Variants in SCAF8 observed in about 807,000 individuals in gnomAD.
SCAF8 encodes the protein SR-related and CTD-associated factor 8.
Under a neutral mutation model 140.5 loss-of-function variants are expected in SCAF8, and 23 were observed. The observed-to-expected ratio is 0.16, with a 90% confidence interval of 0.12 to 0.23. SCAF8 has a LOEUF of 0.23. SCAF8 is among the 10% of genes least tolerant of loss of function. The probability of loss-of-function intolerance (pLI) is 1.00; values close to 1 mark genes in which losing one functional copy is unlikely to be tolerated. For missense variants in SCAF8, 1,397 were observed against 1,555.7 expected (o/e 0.90, Z 1.72); for synonymous variants, 575 against 528.9 (o/e 1.09, Z -1.20).
At position 154,813,205 on chromosome 6, in the gene SCAF8, TCAAAA is replaced by T. The variant is rs982258202; in HGVS notation, c.1421-2495_1421-2491del. Reference sequence around the variant, plus strand: ...CTGAGGAACAGAGCAAGACCCTATATCAAAACAAAACAAAACAAAAAACAGAAGAA... The same window carrying T: ...CTGAGGAACAGAGCAAGACCCTATATCAAAACAAAACAAAAAACAGAAGAA... On this transcript the variant is annotated intron_variant, in intron 12 of 19. Coordinates refer to ENST00000367178, the MANE Select transcript of SCAF8 (RefSeq NM_014892.5). Among the ~76,000 whole-genome samples the T allele has an allele frequency of 2.0e-3, 298 of 151,840 alleles. 1 individual carries two copies. The highest frequency in any genetic ancestry group is 6.7e-3 in the African/African-American group (279 of 41,430).
chr6:154,806,284 A>T (rs1049806024), intron 9 of SCAF8, among the ~76,000 whole-genome samples: 4 of 152,218 alleles, frequency 2.6e-5, no homozygotes, highest in Admixed American at 2.0e-4. Context: ...AATTTATTTC[A>T]AAGCCTTTTT....
chr6:154,738,782 G>A (rs1281287056), intron 1 of SCAF8, among the ~76,000 whole-genome samples: 1 of 152,218 alleles, frequency 6.6e-6, no homozygotes, highest in Non-Finnish European at 1.5e-5. Flanking sequence ...GGACTGCATT[G>A]ATTGCTGGAA....
intron 1 of SCAF8, among the ~76,000 whole-genome samples, chr6:154,771,871 C>G (rs1381353938): frequency 6.6e-6 from 1 of 151,944 alleles, no homozygotes; most frequent in African/African-American, 2.4e-5. Flanking sequence ...CCCCCGAATT[C>G]TAAAATAGAA....
chr6:154,734,824 C>T (rs898648398), intron 1 of SCAF8, among the ~76,000 whole-genome samples: 1 of 152,098 alleles, frequency 6.6e-6, no homozygotes, highest in Admixed American at 6.6e-5. Flanking sequence ...TACCCGTACG[C>T]CTTGGAAAGT....
At chr6:154,806,318 C>T (rs1227035292) in intron 9 of SCAF8, among the ~76,000 whole-genome samples, 2 of 152,062 alleles carry the variant, frequency 1.3e-5, no homozygotes, top group Non-Finnish European at 2.9e-5. Context: ...GAAATGGTTA[C>T]GCATGTAAAC....
In SCAF8 at chr6:154,827,204, G is replaced by A. The variant is rs1160322416; in HGVS notation, c.2104G>A (p.Val702Met). The A allele has an allele frequency of 2.5e-6, 4 of 1,604,214 alleles. No individual in the cohort carries two copies. The Admixed American group carries it at 6.8e-5, about 27-fold the overall frequency. Reference sequence around the variant, plus strand: ...GCCGCCTCCAGTTCCCCCACCTGTTGTGCCACCCCCTACGATTCCACCAGT... The same window carrying A: ...GCCGCCTCCAGTTCCCCCACCTGTTATGCCACCCCCTACGATTCCACCAGT... ...FMPPPVPPPV[V>M]PPPTIPPVVP... Residue 702 changes from valine to methionine, a missense_variant, in exon 18 of 20, where the codon GTG becomes ATG. This residue lies in a region of SCAF8 where 930 missense variants were observed against 874.6 expected (regional missense o/e 1.06). Transcript: ENST00000367178.
chr6:154,830,376 T>A (rs1187721514), intron 18 of SCAF8, among the ~76,000 whole-genome samples: 1 of 152,224 alleles, frequency 6.6e-6, no homozygotes, highest in African/African-American at 2.4e-5. Flanking sequence ...TTTTAATATG[T>A]GTGACAAATG....
intron 1 of SCAF8, among the ~76,000 whole-genome samples, chr6:154,747,222 T>C (rs982680082): frequency 2.0e-5 from 3 of 152,150 alleles, no homozygotes; most frequent in Non-Finnish European, 4.4e-5. Flanking sequence ...GCTTAAAATA[T>C]AGAACCGTGC....
At chr6:154,783,741 AT>A (rs1777152265) in intron 3 of SCAF8, among the ~76,000 whole-genome samples, 1 of 152,102 alleles carries the variant, frequency 6.6e-6, no homozygotes, top group African/African-American at 2.4e-5. Context: ...TCTCTTTGAT[AT>A]TTTTCCAGAG....
chr6:154,810,006 T>C lies in SCAF8; in HGVS notation c.1227-9T>C. ...TTGTCATTAGAAGTAAAATGAAAATTTTTTGTAGATCACCAAGAAAACGAA... is the reference window on the plus strand; with the variant it reads ...TTGTCATTAGAAGTAAAATGAAAATCTTTTGTAGATCACCAAGAAAACGAA... On this transcript the variant is annotated splice_polypyrimidine_tract_variant and intron_variant, in intron 11 of 19. Transcript: ENST00000367178. 1.3e-6 allele frequency: 2 copies of C among 1,584,060 alleles called. No individual in the cohort carries two copies. The highest frequency in any genetic ancestry group is 2.3e-5 in the East Asian group (1 of 44,286).
intron 2 of SCAF8, among the ~76,000 whole-genome samples, chr6:154,774,903 CT>C (rs1776874949): frequency 6.6e-6 from 1 of 152,064 alleles, no homozygotes; most frequent in Non-Finnish European, 1.5e-5. Flanking sequence ...TTCTTGTCCC[CT>C]AGGCTAAGAT....
intron 1 of SCAF8, among the ~76,000 whole-genome samples, chr6:154,751,880 A>G (rs1004312991): frequency 2.0e-5 from 3 of 152,172 alleles, no homozygotes; most frequent in African/African-American, 7.2e-5. Flanking sequence ...TGCCACAGAA[A>G]ATACGCTTTC....
chr6:154,830,556 AT>A (rs1188424068), intron 18 of SCAF8, among the ~76,000 whole-genome samples: 1 of 152,160 alleles, frequency 6.6e-6, no homozygotes, highest in Non-Finnish European at 1.5e-5. Context: ...GATTGGGCAG[AT>A]TTTCATACTC....
chr6:154,733,399 C>A, upstream of SCAF8: 1 of 1,382,740 alleles, frequency 7.2e-7, no homozygotes, highest in Non-Finnish European at 9.4e-7. Context: ...AACTGCGCGG[C>A]CCGACTCGAG....
chr6:154,829,119 C>T (rs1035968132), intron 18 of SCAF8, among the ~76,000 whole-genome samples: 1 of 152,026 alleles, frequency 6.6e-6, no homozygotes, highest in African/African-American at 2.4e-5. Flanking sequence ...CAAACCTGCA[C>T]ATGTACCCCT....
chr6:154,793,471 T>C (rs149931692), intron 5 of SCAF8, among the ~76,000 whole-genome samples: 2,267 of 151,228 alleles, frequency 0.015, 22 homozygotes, highest in Middle Eastern at 0.048. Flanking sequence ...TTCATAATTT[T>C]TTCATAATTT....
Position 154,833,180 on chromosome 6 carries a change from G to T in SCAF8, c.3601G>T (p.Gly1201Trp). The T allele has an allele frequency of 6.2e-7, 1 of 1,614,068 alleles. No individual in the cohort carries two copies. The change falls in exon 20 of 20, where the codon GGG becomes TGG. Residue 1201 changes from glycine to tryptophan, a missense_variant. Gly to Trp is a radical substitution (Grantham distance 184, BLOSUM62 -2). Transcript: ENST00000367178. ...TGCTCGGGTTTTTGATTATTTTGAA[G>T]GGGCCACTTCTCAACGAAAAGGTGA... is the stretch of plus-strand genomic sequence containing the variant. ...PHARVFDYFE[G>W]ATSQRKGDNV...
rs1183671310 is a variant in SCAF8, at chr6:154,794,780, GGTGTGTGTGTGTGTGTGTGTGTGT to G, written c.476-202_476-179del. Among the ~76,000 whole-genome samples the G allele has an allele frequency of 1.7e-3, 21 of 12,538 alleles. 1 individual carries two copies. Among genetic ancestry groups the G allele is most frequent in the Admixed American group, 3.1e-3 (3 of 956 alleles). 8.2% of individuals were successfully genotyped at this position (12,538 alleles called of 152,430 possible). On this transcript the variant is annotated intron_variant, in intron 5 of 19. Coordinates refer to ENST00000367178, the MANE Select transcript of SCAF8 (RefSeq NM_014892.5). ...TTGGTGGGGGGGGGGGGGTGTGGGG[GGTGTGTGTGTGTGTGTGTGTGTGT>G]GTGTGTGTGTGTGTGTGTGTGTGTG...
intron 1 of SCAF8, among the ~76,000 whole-genome samples, chr6:154,747,707 C>T (rs1313381755): frequency 1.3e-5 from 2 of 152,036 alleles, no homozygotes; most frequent in African/African-American, 4.8e-5. Context: ...CCTTATAGTG[C>T]TTATTTTAAC....
Sources: allele counts gnomAD v4.1 joint callset (sites outside exome capture counted in the v4.1 genomes callset), GRCh38; gene constraint gnomAD v4.1.1; regional missense constraint gnomAD v4.1.1; transcripts MANE v1.5; gene names NCBI Gene and HGNC (gene_info 2026-07-23, HGNC 2026-07-21).